KIAA1549L: variants seen among roughly 807,000 people sequenced by gnomAD.
KIAA1549L encodes UPF0606 protein KIAA1549L.
Under a neutral mutation model 160.7 loss-of-function variants are expected in KIAA1549L, and 88 were observed. That is an observed-to-expected ratio of 0.55 (90% CI 0.46 to 0.65). The LOEUF (loss-of-function observed/expected upper bound fraction) is 0.65, where lower values mean the gene tolerates loss of function less well. Among genes scored for constraint, KIAA1549L ranks in the 30% least tolerant of loss-of-function variants. The pLI, the probability that KIAA1549L is intolerant of heterozygous loss-of-function variation, is 0.00. For missense variants in KIAA1549L, 2,258 were observed against 2,437.5 expected (o/e 0.93, Z 1.55); for synonymous variants, 950 against 976.7 (o/e 0.97, Z 0.51).
intron 15 of KIAA1549L, among the ~76,000 whole-genome samples, chr11:33,613,799 G>A (rs913418351): frequency 6.6e-6 from 1 of 152,074 alleles, no homozygotes; most frequent in African/African-American, 2.4e-5. Context: ...ACAAAGTTTA[G>A]GTTCCAAATG....
intron 20 of KIAA1549L, among the ~76,000 whole-genome samples, chr11:33,667,196 C>T (rs1042862124): frequency 2.0e-5 from 3 of 151,952 alleles, no homozygotes; most frequent in Non-Finnish European, 4.4e-5. Context: ...GACATCATCA[C>T]TAAAAATAAT....
chr11:33,545,208 C>T lies in KIAA1549L; in HGVS notation c.3215C>T (p.Thr1072Met), dbSNP rs528581635. 3.6e-5 allele frequency: 58 copies of T among 1,614,024 alleles called. No homozygotes were observed. The highest frequency in any genetic ancestry group is 3.6e-5 in the Non-Finnish European group (42 of 1,179,884). ...TCCACGCCACGCCCACTGACAGTCA[C>T]GGCCGCGCTGACATCCATTACAGCC... Reference protein sequence around the residue: ...RASTPRPLTVTAALTSITASV... With the variant: ...RASTPRPLTVMAALTSITASV... The change falls in exon 3 of 21, where the codon ACG becomes ATG. Residue 1072 changes from threonine (T) to methionine (M), a missense_variant. Transcript: ENST00000658780.
intron 1 of KIAA1549L, among the ~76,000 whole-genome samples, chr11:33,491,906 A>G (rs1262642446): frequency 6.6e-6 from 1 of 152,238 alleles, no homozygotes; most frequent in Non-Finnish European, 1.5e-5. Flanking sequence ...TCAAATGCAC[A>G]CAAGACCTAT....
chr11:33,556,233 G>A (rs1200692991), intron 6 of KIAA1549L, among the ~76,000 whole-genome samples: 3 of 152,192 alleles, frequency 2.0e-5, no homozygotes, highest in Admixed American at 6.5e-5. Context: ...TGCATCCCCC[G>A]TGGAAGGCAG....
intron 10 of KIAA1549L, among the ~76,000 whole-genome samples, chr11:33,579,147 T>C (rs1029117030): frequency 1.3e-5 from 2 of 152,154 alleles, no homozygotes; most frequent in Non-Finnish European, 2.9e-5. Flanking sequence ...CTGACCTTCA[T>C]TTTCCCCACC....
At chr11:33,482,364 G>A (rs921221932) in intron 1 of KIAA1549L, among the ~76,000 whole-genome samples, 1 of 151,978 alleles carries the variant, frequency 6.6e-6, no homozygotes, top group African/African-American at 2.4e-5. Context: ...TTAAATAGAG[G>A]TGGTGACAAT....
chr11:33,592,310 C>T (rs141199211), intron 12 of KIAA1549L, among the ~76,000 whole-genome samples: 66 of 152,242 alleles, frequency 4.3e-4, no homozygotes, highest in African/African-American at 1.5e-3. Flanking sequence ...ATGATGTTAG[C>T]CTATATGTTA....
At chr11:33,658,702 C>T (rs751447501) in intron 18 of KIAA1549L, 48 bp from the exon 19 acceptor site, 130 of 1,549,316 alleles carry the variant, frequency 8.4e-5, no homozygotes, top group South Asian at 1.6e-4. Flanking sequence ...CTCGGGACGC[C>T]GCCTGAGGTC....
rs1854033899 is a variant in KIAA1549L at position 33,541,961 on chromosome 11, G to A, written c.398G>A (p.Ser133Asn). 2.6e-6 allele frequency: 1 copy of A among 389,726 alleles called. No homozygotes were observed. The highest frequency in any genetic ancestry group is 5.4e-6 in the Non-Finnish European group (1 of 186,808). The allele number at this position is 389,726 out of a possible 1,614,324, so 24.1% of individuals were successfully genotyped here. A position where few individuals can be genotyped will look rare whatever the true frequency, so the allele number is the denominator to read the frequency against. Residue 133 changes from serine (S) to asparagine (N), a missense_variant, in exon 2 of 21, where the codon AGC (serine) becomes AAC (asparagine). Transcript: ENST00000658780. Reference sequence around the variant, plus strand: ...CTGGGACAGTCCTCTGACAACACAAGCTTGCCACAGTCAGCCCGAACCCCT... The same window carrying A: ...CTGGGACAGTCCTCTGACAACACAAACTTGCCACAGTCAGCCCGAACCCCT... ...TVLGQSSDNT[S>N]LPQSARTPAS...
At chr11:33,532,637 G>C (rs902418659) in intron 1 of KIAA1549L, among the ~76,000 whole-genome samples, 6 of 152,216 alleles carry the variant, frequency 3.9e-5, no homozygotes, top group African/African-American at 1.4e-4. Flanking sequence ...TCTAGGGCCT[G>C]ATCAAAAGCT....
chr11:33,401,806 C>T (rs976685144), intron 1 of KIAA1549L, among the ~76,000 whole-genome samples: 7 of 152,126 alleles, frequency 4.6e-5, no homozygotes, highest in Non-Finnish European at 8.8e-5. Flanking sequence ...TGAGCCATGG[C>T]GCTCTAGAAA....
chr11:33,410,310 A>G (rs1026754100), intron 1 of KIAA1549L, among the ~76,000 whole-genome samples: 3 of 152,192 alleles, frequency 2.0e-5, no homozygotes, highest in Non-Finnish European at 4.4e-5. Flanking sequence ...TTGTTAGTGT[A>G]GACCGCATTT....
At chr11:33,589,341 A>G (rs1187708009) in intron 11 of KIAA1549L, among the ~76,000 whole-genome samples, 1 of 152,180 alleles carries the variant, frequency 6.6e-6, no homozygotes, top group Non-Finnish European at 1.5e-5. Context: ...ACCATTGTGG[A>G]AGTCGGTGTG....
intron 16 of KIAA1549L, among the ~76,000 whole-genome samples, chr11:33,629,838 C>T (rs1053965211): frequency 6.7e-5 from 10 of 149,936 alleles, no homozygotes; most frequent in South Asian, 4.2e-4. Flanking sequence ...TGAGGAACTG[C>T]GTTCCTTTGG....
In KIAA1549L at chr11:33,452,434, T is replaced by C. The variant is rs552698497; in HGVS notation, c.238+75545T>C. ...CATCCTGGCTAACATGGTGAAACCC[T>C]GTCTCTACTAAAAATACAAAAAAAT... On this transcript the variant is annotated intron_variant, in intron 1 of 20. Coordinates refer to ENST00000658780, the MANE Select transcript of KIAA1549L (RefSeq NM_012194.3). 1.1e-3 allele frequency among the ~76,000 whole-genome samples: 171 copies of C among 152,200 alleles called. 1 individual carries two copies. Among genetic ancestry groups the C allele is most frequent in the African/African-American group, 3.9e-3 (164 of 41,530 alleles).
At chr11:33,429,716 C>G (rs553878375) in intron 1 of KIAA1549L, among the ~76,000 whole-genome samples, 1 of 152,240 alleles carries the variant, frequency 6.6e-6, no homozygotes, top group East Asian at 1.9e-4. Flanking sequence ...TGAACGTCCC[C>G]CTCCTTCCAT....
rs1358345159 is a variant in KIAA1549L at position 33,543,265 on chromosome 11, A to G, written c.1702A>G (p.Ile568Val). 14 of 1,613,932 alleles carry G rather than the reference A, an allele frequency of 8.7e-6. No individual in the cohort carries two copies. Among genetic ancestry groups the G allele is most frequent in the Admixed American group, 1.7e-5 (1 of 60,010 alleles). The change falls in exon 2 of 21, where the codon ATT (isoleucine) becomes GTT (valine). Residue 568 changes from isoleucine to valine, a missense_variant. By Grantham distance (29) the Ile-to-Val change is conservative. Around this residue, in one of 6 missense-constraint regions of KIAA1549L, gnomAD observed 540 missense variants for 465.7 expected, o/e 1.16. Transcript: ENST00000658780. Reference sequence around the variant, plus strand: ...GTGGAAAAAGGACAGTGTGACAGCCATTTTAGGGAAGAATGAAGAGGCAAA... The same window carrying G: ...GTGGAAAAAGGACAGTGTGACAGCCGTTTTAGGGAAGAATGAAGAGGCAAA... ...PRWKKDSVTA[I>V]LGKNEEANVT...
At chr11:33,395,523 A>G (rs930183889) in intron 1 of KIAA1549L, among the ~76,000 whole-genome samples, 1 of 152,212 alleles carries the variant, frequency 6.6e-6, no homozygotes, top group Non-Finnish European at 1.5e-5. Context: ...TTTCTATAAT[A>G]TGAAAAGAAG....
In KIAA1549L at chr11:33,542,741, T is replaced by A. The variant is rs1590324718; in HGVS notation, c.1178T>A (p.Val393Glu). ...PASTQQIKAG[V>E]PGRVHNGVSL... ...TCCACCCAGCAGATCAAAGCTGGGG[T>A]GCCTGGAAGAGTGCACAATGGGGTG... Residue 393 changes from valine (V) to glutamate (E), a missense_variant, in exon 2 of 21, where the codon GTG becomes GAG. Around this residue, in one of 6 missense-constraint regions of KIAA1549L, gnomAD observed 540 missense variants for 465.7 expected, o/e 1.16. Coordinates refer to ENST00000658780, the MANE Select transcript of KIAA1549L (RefSeq NM_012194.3). 1 of 1,613,904 alleles carries A rather than the reference T, an allele frequency of 6.2e-7. No homozygotes were observed. Among genetic ancestry groups the A allele is most frequent in the Non-Finnish European group, 8.5e-7 (1 of 1,179,840 alleles).
Sources: gnomAD v4.1 joint callset for allele counts (sites outside exome capture counted in the v4.1 genomes callset) on GRCh38, gnomAD v4.1.1 for gene constraint, gnomAD v4.1.1 regional missense constraint, MANE v1.5 for transcripts, NCBI Gene and HGNC (gene_info 2026-07-23, HGNC 2026-07-21) for gene names.